Variants in OR51B5 observed in about 807,000 individuals in gnomAD.
OR51B5 encodes the protein olfactory receptor 51B5.
For synonymous variants in OR51B5, 186 were observed against 144.8 expected (o/e 1.28, Z -2.04); for missense variants, 456 against 374.6 (o/e 1.22, Z -1.79).
At chr11:5,351,420 C>G (rs1218755806) in intron 1 of OR51B5, 9 of 652,994 alleles carry the variant, frequency 1.4e-5, no homozygotes, top group Non-Finnish European at 2.2e-5. Context: ...ATCTTATGAA[C>G]AGGTAGAATT....
chr11:5,429,483 T>C (rs1031763979), intron 1 of OR51B5, among the ~76,000 whole-genome samples: 2 of 152,052 alleles, frequency 1.3e-5, no homozygotes. Context: ...CCAAAGTGAG[T>C]GCGAATGATC....
chr11:5,451,693 G>C (rs1415033372), intron 1 of OR51B5, among the ~76,000 whole-genome samples: 2 of 152,098 alleles, frequency 1.3e-5, no homozygotes, highest in African/African-American at 4.8e-5. Flanking sequence ...TATGTTCCTG[G>C]GTCCCCTTTC....
chr11:5,365,168 T>C (rs891682661), intron 1 of OR51B5, among the ~76,000 whole-genome samples: 2 of 152,236 alleles, frequency 1.3e-5, no homozygotes, highest in East Asian at 1.9e-4. Flanking sequence ...GTGAGTTCTG[T>C]AGACATTTAG....
At chr11:5,422,917 C>T (rs1850375495) in intron 1 of OR51B5, 1 of 1,614,018 alleles carries the variant, frequency 6.2e-7, no homozygotes, top group East Asian at 2.2e-5. Flanking sequence ...GACTCCGTGC[C>T]CTCAATAACT....
intron 1 of OR51B5, among the ~76,000 whole-genome samples, chr11:5,406,529 T>G (rs886235602): frequency 6.6e-6 from 1 of 152,130 alleles, no homozygotes; most frequent in Non-Finnish European, 1.5e-5. Context: ...ATTTATACCT[T>G]TGGAACTACG....
intron 1 of OR51B5, among the ~76,000 whole-genome samples, chr11:5,478,810 A>G (rs1460786878): frequency 1.3e-5 from 2 of 150,548 alleles, no homozygotes; most frequent in Non-Finnish European, 1.5e-5. Context: ...AAGTTTAGAG[A>G]AAAAAGAATA....
chr11:5,424,416 C>T (rs1466823), intron 1 of OR51B5, among the ~76,000 whole-genome samples: 134,537 of 152,090 alleles, frequency 0.88, 59,545 homozygotes, highest in Admixed American at 0.91. Context: ...TGCTACCAGG[C>T]TTCCCGACTC....
intron 1 of OR51B5, among the ~76,000 whole-genome samples, chr11:5,395,630 C>CA (rs1370723861): frequency 6.6e-6 from 1 of 152,158 alleles, no homozygotes; most frequent in Non-Finnish European, 1.5e-5. Flanking sequence ...AAGCTTCTAA[C>CA]ATTTCAGAGT....
intron 1 of OR51B5, among the ~76,000 whole-genome samples, chr11:5,362,410 G>C (rs536165144): frequency 5.1e-4 from 78 of 152,300 alleles, no homozygotes; most frequent in African/African-American, 1.8e-3. Context: ...CTATGGCTTT[G>C]GAAAATTGTG....
intron 1 of OR51B5, among the ~76,000 whole-genome samples, chr11:5,428,779 G>T (rs1003270454): frequency 6.6e-6 from 1 of 152,174 alleles, no homozygotes; most frequent in Non-Finnish European, 1.5e-5. Context: ...TTAGAAACAA[G>T]GACCATCATA....
chr11:5,407,200 T>G (rs940937716), intron 1 of OR51B5, among the ~76,000 whole-genome samples: 3 of 152,284 alleles, frequency 2.0e-5, no homozygotes, highest in Middle Eastern at 6.8e-3. Context: ...GTGATAATTT[T>G]TGAGCTATAT....
chr11:5,460,149 G>C (rs1164455000), intron 1 of OR51B5, among the ~76,000 whole-genome samples: 1 of 152,160 alleles, frequency 6.6e-6, no homozygotes, highest in South Asian at 2.1e-4. Flanking sequence ...TGCAGAAACA[G>C]AAAACCACAT....
At chr11:5,457,071 G>A (rs1850971527) in intron 1 of OR51B5, among the ~76,000 whole-genome samples, 1 of 152,176 alleles carries the variant, frequency 6.6e-6, no homozygotes. Context: ...TTACAGCAAT[G>A]TGAAAATGAA....
intron 1 of OR51B5, chr11:5,402,598 T>G: frequency 2.1e-6 from 1 of 468,920 alleles, no homozygotes; most frequent in Non-Finnish European, 4.4e-6. Context: ...TATGTCAACA[T>G]GAAAATTTCT....
At chr11:5,484,785 G>T (rs1190635160) in intron 1 of OR51B5, among the ~76,000 whole-genome samples, 1 of 152,034 alleles carries the variant, frequency 6.6e-6, no homozygotes, top group Non-Finnish European at 1.5e-5. Flanking sequence ...CAAACCCGAC[G>T]GTATTACCAC....
intron 1 of OR51B5, among the ~76,000 whole-genome samples, chr11:5,393,959 G>A (rs1589972260): frequency 6.6e-6 from 1 of 152,182 alleles, no homozygotes; most frequent in Non-Finnish European, 1.5e-5. Flanking sequence ...CCCATCATTG[G>A]CTTCTCCCTA....
intron 1 of OR51B5, among the ~76,000 whole-genome samples, chr11:5,366,330 A>G (rs1005967864): frequency 2.9e-4 from 44 of 152,102 alleles, no homozygotes; most frequent in African/African-American, 9.9e-4. Flanking sequence ...AGAAAAGGCT[A>G]CATTACAGAC....
intron 1 of OR51B5, chr11:5,391,658 G>A (rs1163743863): frequency 1.3e-5 from 2 of 152,148 alleles, no homozygotes; most frequent in South Asian, 2.1e-4. Context: ...ATCCATCAAG[G>A]TGGTATATCT....
downstream of OR51B5, chr11:5,340,418 T>C (rs1848876180): frequency 6.6e-6 from 1 of 151,688 alleles, no homozygotes; most frequent in African/African-American, 2.4e-5. Flanking sequence ...ATGAAAAACA[T>C]TGTCATTAAC....
Sources: allele counts gnomAD v4.1 joint callset (sites outside exome capture counted in the v4.1 genomes callset), GRCh38; gene constraint gnomAD v4.1.1; transcripts MANE v1.5; gene names NCBI Gene and HGNC (gene_info 2026-07-23, HGNC 2026-07-21).